The following USP16 variants were observed in gnomAD, a reference collection of about 807,000 sequenced individuals.
USP16 encodes the protein ubiquitin specific peptidase 16, also known as ubiquitin carboxyl-terminal hydrolase 16.
USP16 carries 77 observed loss-of-function variants against 95.9 expected under a neutral mutation model. The ratio of observed to expected loss-of-function variants is 0.80; its 90% CI spans 0.67 to 0.97. The LOEUF (loss-of-function observed/expected upper bound fraction) is 0.97, where lower values mean the gene tolerates loss of function less well. Ranked by LOEUF, USP16 falls within the 50% of genes least tolerant of loss-of-function variation. USP16 has a pLI of 0.00. For synonymous variants in USP16, 303 were observed against 318.2 expected (o/e 0.95, Z 0.51); for missense variants, 943 against 959.9 (o/e 0.98, Z 0.23).
chr21:29,042,051 C>T lies in USP16; in HGVS notation c.1069C>T (p.Arg357Cys), dbSNP rs772613184. ...AAAATCAATGCCAAGTTTTGTTGAC[C>T]GCATCTTTGGTGGTGAACTAACTAG... ...KKKSMPSFVD[R>C]IFGGELTSMI... Residue 357 changes from arginine to cysteine, a missense_variant, in exon 11 of 18, where the codon CGC (arginine) becomes TGC (cysteine). Coordinates refer to ENST00000399976, the MANE Select transcript of USP16 (RefSeq NM_006447.3). 1.2e-5 allele frequency: 20 copies of T among 1,612,824 alleles called. No homozygotes were observed. The highest frequency in any genetic ancestry group is 4.5e-5 in the East Asian group (2 of 44,812).
chr21:29,046,686 A>G lies in USP16; in HGVS notation c.1376A>G (p.Lys459Arg). 7 of 1,604,658 alleles carry G rather than the reference A, an allele frequency of 4.4e-6. No individual in the cohort carries two copies. Among genetic ancestry groups the G allele is most frequent in the Non-Finnish European group, 6.0e-6 (7 of 1,176,370 alleles). The change falls in exon 14 of 18, where the codon AAA becomes AGA. Residue 459 changes from lysine (K) to arginine (R), a missense_variant. Coordinates refer to ENST00000399976, the MANE Select transcript of USP16 (RefSeq NM_006447.3). Reference protein sequence around the residue: ...KQAKNQRRQQKIQGKVLHLND... With the variant: ...KQAKNQRRQQRIQGKVLHLND... ...ACCCAGAACCAACGAAGACAACAAA[A>G]AATTCAAGGAAAAGTTCTTCATTTA...
At chr21:29,033,741 A>G (rs2085110411) in intron 3 of USP16, among the ~76,000 whole-genome samples, 1 of 152,242 alleles carries the variant, frequency 6.6e-6, no homozygotes, top group Non-Finnish European at 1.5e-5. Context: ...AAATATCAAT[A>G]ACGTTAGTAC....
intron 1 of USP16, among the ~76,000 whole-genome samples, chr21:29,027,270 T>C (rs938913441): frequency 3.9e-5 from 6 of 152,238 alleles, no homozygotes; most frequent in Admixed American, 2.0e-4. Flanking sequence ...ATGTAAATAG[T>C]TGAGAATGCA....
At chr21:29,046,503 T>C (rs995598536) in intron 13 of USP16, among the ~76,000 whole-genome samples, 164 bp from the exon 14 acceptor site, 1 of 152,162 alleles carries the variant, frequency 6.6e-6, no homozygotes, top group Non-Finnish European at 1.5e-5. Flanking sequence ...TAGGATCAGA[T>C]TGTGAGAGTG....
In USP16 at chr21:29,048,783, C is replaced by T; in HGVS notation, c.2034C>T (p.Thr678=). The change falls in exon 15 of 18, where the codon ACC becomes ACT. Residue 678 remains threonine (T), a synonymous_variant. Transcript: ENST00000399976. ...NIKGERKHVY[T]NAKKQMLISL... The stretch of plus-strand genomic sequence containing the variant: ...TAGGTGAAAGGAAGCATGTTTACAC[C>T]AATGCCAAAAAGCAGATGCTAATTT... 6.2e-7 allele frequency: 1 copy of T among 1,613,520 alleles called. No homozygotes were observed. Among genetic ancestry groups the T allele is most frequent in the Middle Eastern group, 1.7e-4 (1 of 6,058 alleles).
At chr21:29,051,465 C>T in intron 16 of USP16, among the ~76,000 whole-genome samples, 1 of 152,122 alleles carries the variant, frequency 6.6e-6, no homozygotes, top group East Asian at 1.9e-4. Context: ...CAGGACCCTC[C>T]TAAGTATCTG....
chr21:29,042,299 T>C (rs2085256275), intron 11 of USP16, among the ~76,000 whole-genome samples, 173 bp from the exon 12 acceptor site: 1 of 152,164 alleles, frequency 6.6e-6, no homozygotes, highest in African/African-American at 2.4e-5. Flanking sequence ...GTTTGATTTA[T>C]TTCCCCCAAC....
At position 29,028,016 on chromosome 21, in the gene USP16, A is replaced by G. The variant is rs1404265123; in HGVS notation, c.61+42A>G. The stretch of plus-strand genomic sequence containing the variant: ...GAATCTTTAATGTTTATATCTCTAA[A>G]TGAATATGTTTTAAAATGTAAAAAT... On this transcript the variant is annotated intron_variant, in intron 2 of 17. Coordinates refer to ENST00000399976, the MANE Select transcript of USP16 (RefSeq NM_006447.3). 7.0e-6 allele frequency: 10 copies of G among 1,437,804 alleles called. No individual in the cohort carries two copies. The Middle Eastern group carries it at 5.2e-4, about 75-fold the overall frequency. The allele number at this position is 1,437,804 out of a possible 1,614,324, so 89.1% of individuals were successfully genotyped here.
chr21:29,044,476 T>A (rs2085293647), intron 13 of USP16, among the ~76,000 whole-genome samples: 1 of 145,392 alleles, frequency 6.9e-6, no homozygotes, highest in Non-Finnish European at 1.5e-5. Flanking sequence ...AGATGGTGTC[T>A]CACTCTGTCG....
intron 16 of USP16, 40 bp from the exon 17 acceptor site, chr21:29,053,762 G>A (rs776135469): frequency 1.3e-6 from 2 of 1,594,280 alleles, no homozygotes; most frequent in Non-Finnish European, 1.7e-6. Context: ...CTGTGTAAAT[G>A]GAACTAGAAC....
intron 12 of USP16, 88 bp downstream of exon 12, chr21:29,042,616 G>A: frequency 8.5e-7 from 1 of 1,179,786 alleles, no homozygotes; most frequent in Admixed American, 2.4e-5. Context: ...TTTTAAGTTT[G>A]TATATTACTA....
chr21:29,041,628 A>G (rs2085244183), intron 10 of USP16, among the ~76,000 whole-genome samples: 2 of 152,138 alleles, frequency 1.3e-5, no homozygotes, highest in Admixed American at 6.5e-5. Context: ...CTTGAATGTT[A>G]GAATGTTAGA....
intron 9 of USP16, 79 bp downstream of exon 9, chr21:29,039,647 AACAATGAAAGCTAG>A: frequency 7.2e-7 from 1 of 1,381,550 alleles, no homozygotes; most frequent in Non-Finnish European, 9.8e-7. Flanking sequence ...TACGAGTTAA[AACAATGAAAGCTAG>A]TTATTAAGGC....
Position 29,030,705 on chromosome 21 carries a change from A to G in USP16, c.172A>G (p.Lys58Glu), listed in dbSNP as rs779484099. ...CQDCKTDNKV[K>E]DKAEEETEEK... ...AGACTGTAAGACTGACAATAAAGTG[A>G]AAGATAAAGCTGAAGAAGAAACAGA... The change falls in exon 3 of 18, where the codon AAA becomes GAA. Residue 58 changes from lysine (K) to glutamate (E), a missense_variant. By Grantham distance (56) the Lys-to-Glu change is moderately conservative. Coordinates refer to ENST00000399976, the MANE Select transcript of USP16 (RefSeq NM_006447.3). 2 of 1,613,868 alleles carry G rather than the reference A, an allele frequency of 1.2e-6. No homozygotes were observed. Among genetic ancestry groups the G allele is most frequent in the African/African-American group, 2.7e-5 (2 of 74,942 alleles).
At chr21:29,036,610 A>G (rs757525231) in intron 5 of USP16, among the ~76,000 whole-genome samples, 1 of 152,238 alleles carries the variant, frequency 6.6e-6, no homozygotes, top group Non-Finnish European at 1.5e-5. Flanking sequence ...TGCTAAGACT[A>G]AGGTAATTCC....
At chr21:29,029,700 T>G (rs530518753) in intron 2 of USP16, among the ~76,000 whole-genome samples, 3 of 152,332 alleles carry the variant, frequency 2.0e-5, no homozygotes, top group Admixed American at 6.5e-5. Flanking sequence ...ATTGTGTAAC[T>G]CCATCATCTG....
intron 4 of USP16, among the ~76,000 whole-genome samples, 190 bp from the exon 5 acceptor site, chr21:29,036,081 C>G (rs1294072680): frequency 6.6e-6 from 1 of 152,138 alleles, no homozygotes. Context: ...AGCCATAATT[C>G]TGGCTAATTT....
chr21:29,032,478 C>T (rs927166819), intron 3 of USP16, among the ~76,000 whole-genome samples: 1 of 152,110 alleles, frequency 6.6e-6, no homozygotes, highest in South Asian at 2.1e-4. Flanking sequence ...GTGATCTACC[C>T]CCCTGGGCCT....
Position 29,053,782 on chromosome 21 carries a change from G to C in USP16, c.2194-20G>C. ...TAAATGGAACTAGAACTAACTTTTG[G>C]ATTCTACTCATTTTTAAAGAATGTT... is the stretch of plus-strand genomic sequence containing the variant. On this transcript the variant is annotated intron_variant, in intron 16 of 17. Transcript: ENST00000399976. The C allele has an allele frequency of 6.2e-7, 1 of 1,608,088 alleles. No individual in the cohort carries two copies. The highest frequency in any genetic ancestry group is 2.2e-5 in the East Asian group (1 of 44,858).
Sources: gnomAD v4.1 joint callset for allele counts (sites outside exome capture counted in the v4.1 genomes callset) on GRCh38, gnomAD v4.1.1 for gene constraint, MANE v1.5 for transcripts, NCBI Gene and HGNC (gene_info 2026-07-23, HGNC 2026-07-21) for gene names.